Variants in RASA1 observed in about 807,000 individuals in gnomAD.
RASA1 encodes the protein ras GTPase-activating protein 1.
Under a neutral mutation model 132.2 loss-of-function variants are expected in RASA1, and 25 were observed. The ratio of observed to expected loss-of-function variants is 0.19; its 90% CI spans 0.14 to 0.26. The LOEUF is 0.26. Ranked by LOEUF, RASA1 falls within the 10% of genes least tolerant of loss-of-function variation. The pLI is 1.00. For missense variants in RASA1, 964 were observed against 1,299.2 expected, an observed-to-expected ratio of 0.74 and a Z score of 3.97; for synonymous variants, 477 against 449.9, an observed-to-expected ratio of 1.06 and a Z score of -0.76.
intron 1 of RASA1, among the ~76,000 whole-genome samples, chr5:87,313,700 CA>C (rs1346894271): frequency 2.0e-5 from 3 of 151,846 alleles, no homozygotes; most frequent in Non-Finnish European, 4.4e-5. Context: ...GATAAAATGC[CA>C]AAAAAAGTCT....
chr5:87,287,727 T>TA lies in RASA1; in HGVS notation c.539+18737_539+18738insA, dbSNP rs1432533329. ...ATATGTACACGCCATAGATATACCA[T>TA]TATGTACACGCCATAGATATACCAT... On this transcript the variant is annotated intron_variant, in intron 1 of 24. Coordinates refer to ENST00000274376, the MANE Select transcript of RASA1 (RefSeq NM_002890.3). Among the ~76,000 whole-genome samples, 158 of 58,162 alleles carry TA rather than the reference T, an allele frequency of 2.7e-3. 7 individuals are homozygous for TA. The highest frequency in any genetic ancestry group is 0.025 in the Middle Eastern group (2 of 80). 38.2% of individuals were successfully genotyped at this position (58,162 alleles called of 152,430 possible).
intron 1 of RASA1, among the ~76,000 whole-genome samples, chr5:87,317,135 A>G (rs995650568): frequency 1.3e-5 from 2 of 152,124 alleles, no homozygotes; most frequent in Admixed American, 1.3e-4. Context: ...TGCCCGCCTT[A>G]ACCTCCCAAA....
chr5:87,318,000 C>A (rs1756477854), intron 1 of RASA1, among the ~76,000 whole-genome samples: 1 of 151,880 alleles, frequency 6.6e-6, no homozygotes, highest in African/African-American at 2.4e-5. Flanking sequence ...TTTCAAATAT[C>A]CCCCCTTTAT....
At chr5:87,332,678 A>T (rs776127472) in intron 3 of RASA1, 36 bp downstream of exon 3, 1 of 1,566,506 alleles carries the variant, frequency 6.4e-7, no homozygotes, top group Non-Finnish European at 8.8e-7. Context: ...TCAAAACTTT[A>T]TTTTTTCAGT....
intron 20 of RASA1, among the ~76,000 whole-genome samples, chr5:87,382,929 TA>T (rs200006864): frequency 0.03 from 4,229 of 138,662 alleles, 137 homozygotes; most frequent in African/African-American, 0.091. Context: ...CAAAAATAAT[TA>T]AAAAAAAAAA....
chr5:87,326,998 G>T (rs371988939), intron 1 of RASA1, among the ~76,000 whole-genome samples: 2 of 152,120 alleles, frequency 1.3e-5, no homozygotes, highest in African/African-American at 2.4e-5. Context: ...CATAAAATTT[G>T]TTAGTTTTTT....
At chr5:87,361,999 C>CA (rs1464122587) in intron 9 of RASA1, among the ~76,000 whole-genome samples, 11 of 152,110 alleles carry the variant, frequency 7.2e-5, no homozygotes, top group African/African-American at 2.7e-4. Context: ...ATGGTTATAA[C>CA]ACCAGCTGTG....
At chr5:87,274,114 G>A (rs1029404523) in intron 1 of RASA1, among the ~76,000 whole-genome samples, 2 of 152,090 alleles carry the variant, frequency 1.3e-5, no homozygotes, top group Non-Finnish European at 2.9e-5. Flanking sequence ...GCTGAGTAGC[G>A]GTTGACCCTT....
At chr5:87,332,018 T>A (rs755920795) in intron 2 of RASA1, among the ~76,000 whole-genome samples, 5 of 152,166 alleles carry the variant, frequency 3.3e-5, no homozygotes, top group African/African-American at 4.8e-5. Flanking sequence ...AAAAATCATC[T>A]AATGCATATA....
chr5:87,362,772 T>C, intron 10 of RASA1, 101 bp downstream of exon 10: 2 of 1,336,052 alleles, frequency 1.5e-6, no homozygotes, highest in Non-Finnish European at 2.1e-6. Context: ...TGACATGAGT[T>C]ATTAGTAATT....
intron 1 of RASA1, among the ~76,000 whole-genome samples, chr5:87,317,590 G>A (rs1756435589): frequency 6.6e-6 from 1 of 150,748 alleles, no homozygotes; most frequent in African/African-American, 2.4e-5. Flanking sequence ...TGTTTTTAAG[G>A]AAAAGATGAC....
chr5:87,329,163 G>C (rs755697449), intron 1 of RASA1, among the ~76,000 whole-genome samples: 4 of 151,852 alleles, frequency 2.6e-5, no homozygotes, highest in Non-Finnish European at 4.4e-5. Context: ...GTAAAAAATC[G>C]ACTCGGTGTG....
At chr5:87,345,195 A>C (rs545795263) in intron 6 of RASA1, among the ~76,000 whole-genome samples, 1 of 152,242 alleles carries the variant, frequency 6.6e-6, no homozygotes, top group South Asian at 2.1e-4. Context: ...TCACTGTTGC[A>C]AACCATGTGG....
chr5:87,289,468 C>T (rs1356390091), intron 1 of RASA1, among the ~76,000 whole-genome samples: 5 of 151,814 alleles, frequency 3.3e-5, no homozygotes, highest in African/African-American at 4.8e-5. Flanking sequence ...TGGTTTTTCC[C>T]TCTATTTGTA....
At chr5:87,378,306 G>A in intron 17 of RASA1, 90 bp from the exon 18 acceptor site, 1 of 1,464,930 alleles carries the variant, frequency 6.8e-7, no homozygotes, top group Non-Finnish European at 9.6e-7. Flanking sequence ...GGCTATTCCT[G>A]TTGAGGTAAA....
chr5:87,353,147 A>C lies in RASA1; in HGVS notation c.1254-10A>C. On this transcript the variant is annotated splice_polypyrimidine_tract_variant and intron_variant, in intron 8 of 24. Coordinates refer to ENST00000274376, the MANE Select transcript of RASA1 (RefSeq NM_002890.3). ...AGACAGATTAATACTAGAAATTTTT[A>C]TTTTAACAGCATTGGGGACATCATA... The C allele has an allele frequency of 1.9e-6, 3 of 1,600,576 alleles. No individual in the cohort carries two copies. The highest frequency in any genetic ancestry group is 2.6e-6 in the Non-Finnish European group (3 of 1,168,800).
chr5:87,285,803 G>T (rs1182129063), intron 1 of RASA1, among the ~76,000 whole-genome samples: 1 of 151,278 alleles, frequency 6.6e-6, no homozygotes, highest in Non-Finnish European at 1.5e-5. Context: ...ATTTTTAATA[G>T]AGATGGGATT....
At chr5:87,365,787 C>CA (rs1277160835) in intron 11 of RASA1, among the ~76,000 whole-genome samples, 1 of 151,510 alleles carries the variant, frequency 6.6e-6, no homozygotes, top group Admixed American at 6.6e-5. Context: ...TACTTTGAAA[C>CA]AAAGAAGGTC....
rs1421548708 is a variant in RASA1 at position 87,362,567 on chromosome 5, T to C, written c.1349T>C (p.Leu450Pro). 1.3e-6 allele frequency: 2 copies of C among 1,592,840 alleles called. No individual in the cohort carries two copies. Among genetic ancestry groups the C allele is most frequent in the South Asian group, 2.2e-5 (2 of 90,626 alleles). ...AAAATTCAGGATCAAGAACAAGTAC[T>C]CAATGACACAGTGGATGGCAAGGAA... ...PVPMQDQEQV[L>P]NDTVDGKEIY... The change falls in exon 10 of 25, where the codon CTC becomes CCC. Residue 450 changes from leucine to proline, a missense_variant. By Grantham distance (98) the Leu-to-Pro change is moderately conservative. Around this residue, in one of 6 missense-constraint regions of RASA1, gnomAD observed 25 missense variants for 18.8 expected, o/e 1.33. Coordinates refer to ENST00000274376, the MANE Select transcript of RASA1 (RefSeq NM_002890.3).
Sources: allele counts gnomAD v4.1 joint callset (sites outside exome capture counted in the v4.1 genomes callset), GRCh38; gene constraint gnomAD v4.1.1; regional missense constraint gnomAD v4.1.1; transcripts MANE v1.5; gene names NCBI Gene and HGNC (gene_info 2026-07-23, HGNC 2026-07-21).